Variants in ANO10 observed in about 807,000 individuals in gnomAD.
ANO10 encodes the protein anoctamin 10.
Under a neutral mutation model 74.7 loss-of-function variants are expected in ANO10, and 77 were observed. The observed-to-expected ratio is 1.03, with a 90% CI of 0.86 to 1.25. The LOEUF (loss-of-function observed/expected upper bound fraction) is 1.25, where lower values mean the gene tolerates loss of function less well. ANO10 is among the 50% of genes most tolerant of loss of function. ANO10 has a pLI of 0.00. For synonymous variants in ANO10, 279 were observed against 284.9 expected, an observed-to-expected ratio of 0.98 and a Z score of 0.21; for missense variants, 721 against 778.1, an observed-to-expected ratio of 0.93 and a Z score of 0.87.
At position 43,565,673 on chromosome 3, in the gene ANO10, C is replaced by A. The variant is rs1194958923; in HGVS notation, c.1273G>T (p.Asp425Tyr). 8.9e-6 allele frequency: 14 copies of A among 1,576,908 alleles called. No homozygotes were observed. The highest frequency in any genetic ancestry group is 1.1e-5 in the Non-Finnish European group (13 of 1,162,482). ...CTTACCTGGCGCAAAAGCTTCATAT[C>A]TTTCAAGACAAAGGCAATATAGAAG... ...SLFYIAFVLKDMKLLRQSLAT... is the reference protein window; with the variant it reads ...SLFYIAFVLKYMKLLRQSLAT... The change falls in exon 8 of 13, where the codon GAT becomes TAT. Residue 425 changes from aspartate (D) to tyrosine (Y), a missense_variant. By Grantham distance (160) the Asp-to-Tyr change is radical. Coordinates refer to ENST00000292246, the MANE Select transcript of ANO10 (RefSeq NM_018075.5).
At chr3:43,490,225 C>T (rs1348450332) in intron 11 of ANO10, among the ~76,000 whole-genome samples, 2 of 152,264 alleles carry the variant, frequency 1.3e-5, no homozygotes, top group Admixed American at 1.3e-4. Flanking sequence ...AGTTTCCTTC[C>T]CCTTCTCAGA....
At chr3:43,619,374 T>C (rs2083274175) in intron 1 of ANO10, among the ~76,000 whole-genome samples, 1 of 152,152 alleles carries the variant, frequency 6.6e-6, no homozygotes, top group African/African-American at 2.4e-5. Context: ...TTGAATAAGG[T>C]CTGTAGATTA....
At chr3:43,479,520 T>C (rs2076190363) in intron 11 of ANO10, among the ~76,000 whole-genome samples, 1 of 152,184 alleles carries the variant, frequency 6.6e-6, no homozygotes, top group Admixed American at 6.5e-5. Context: ...TTGGTACATC[T>C]GCCCTGAAGA....
chr3:43,504,327 GATAGATA>G (rs2077213302), intron 11 of ANO10, among the ~76,000 whole-genome samples: 1 of 151,998 alleles, frequency 6.6e-6, no homozygotes, highest in East Asian at 1.9e-4. Flanking sequence ...TAGATAGATA[GATAGATA>G]GATAGATAGA....
At chr3:43,384,790 A>G (rs1302593071) in intron 12 of ANO10, among the ~76,000 whole-genome samples, 1 of 152,234 alleles carries the variant, frequency 6.6e-6, no homozygotes, top group Non-Finnish European at 1.5e-5. Context: ...CAAAGACTTA[A>G]ATCTAAGACC....
chr3:43,582,881 G>A (rs903118004), intron 4 of ANO10, among the ~76,000 whole-genome samples: 1 of 152,208 alleles, frequency 6.6e-6, no homozygotes, highest in Admixed American at 6.5e-5. Flanking sequence ...AGAAGAGTTA[G>A]AGTTGATCAC....
intron 7 of ANO10, among the ~76,000 whole-genome samples, chr3:43,570,526 G>A (rs1351252087): frequency 2.6e-5 from 4 of 152,072 alleles, no homozygotes; most frequent in South Asian, 2.1e-4. Flanking sequence ...CACAAATAAC[G>A]CCGCATATCT....
At position 43,390,336 on chromosome 3, in the gene ANO10, C is replaced by T. The variant is rs376614606; in HGVS notation, c.1915-23362G>A. The stretch of plus-strand genomic sequence containing the variant: ...CCTTAGTGCAGAGCCACTGCACAGG[C>T]TGTGCAGGCAGCTCTGGGAAAATCA... On this transcript the variant is annotated intron_variant, in intron 12 of 12. Coordinates refer to ENST00000292246, the MANE Select transcript of ANO10 (RefSeq NM_018075.5). Among the ~76,000 whole-genome samples, 184 of 152,362 alleles carry T rather than the reference C, an allele frequency of 1.2e-3. 1 individual carries two copies. The South Asian group carries it at 0.038, about 31-fold the overall frequency.
intron 11 of ANO10, among the ~76,000 whole-genome samples, chr3:43,491,868 A>G (rs529552156): frequency 6.6e-6 from 1 of 152,296 alleles, no homozygotes; most frequent in Admixed American, 6.5e-5. Flanking sequence ...CACTATCAAC[A>G]TAATTTATTA....
chr3:43,370,091 G>A (rs897903002), intron 12 of ANO10, among the ~76,000 whole-genome samples: 6 of 152,214 alleles, frequency 3.9e-5, no homozygotes, highest in Admixed American at 6.5e-5. Context: ...TTTTCCAGGA[G>A]GGCTGTCCTC....
chr3:43,504,563 TA>T (rs139835846), intron 11 of ANO10, among the ~76,000 whole-genome samples: 24 of 151,906 alleles, frequency 1.6e-4, no homozygotes, highest in Non-Finnish European at 2.9e-4. Flanking sequence ...TTACTGTTCA[TA>T]AAAAAAACAG....
chr3:43,566,940 A>G (rs992379900), intron 7 of ANO10, among the ~76,000 whole-genome samples: 3 of 152,198 alleles, frequency 2.0e-5, no homozygotes, highest in African/African-American at 7.2e-5. Context: ...TTTGAAAAAA[A>G]TTCAGAAGAA....
chr3:43,683,035 G>C (rs138474621), intron 1 of ANO10, among the ~76,000 whole-genome samples: 12,712 of 152,050 alleles, frequency 0.084, 733 homozygotes, highest in South Asian at 0.21. Flanking sequence ...CAGGGATGCC[G>C]TCTCTCACCA....
intron 11 of ANO10, among the ~76,000 whole-genome samples, chr3:43,515,799 T>C (rs1440238708): frequency 2.6e-5 from 4 of 152,160 alleles, no homozygotes; most frequent in Admixed American, 2.0e-4. Flanking sequence ...TTGCCCCTTT[T>C]CTAAAACCAT....
chr3:43,629,137 C>A (rs910834871), intron 1 of ANO10, among the ~76,000 whole-genome samples: 2 of 152,294 alleles, frequency 1.3e-5, no homozygotes, highest in African/African-American at 4.8e-5. Context: ...TTTAAAATTT[C>A]TCTCTTTTGT....
At chr3:43,596,083 T>C (rs567479463) in intron 4 of ANO10, among the ~76,000 whole-genome samples, 40 of 152,060 alleles carry the variant, frequency 2.6e-4, no homozygotes, top group African/African-American at 8.9e-4. Flanking sequence ...TCAAGGAGAA[T>C]TACAAACCAC....
intron 6 of ANO10, among the ~76,000 whole-genome samples, chr3:43,575,162 T>C (rs2080936021): frequency 6.6e-6 from 1 of 152,030 alleles, no homozygotes; most frequent in Non-Finnish European, 1.5e-5. Flanking sequence ...AGACCCTGTA[T>C]AAGAAGTAAT....
In ANO10 at chr3:43,589,004, C is replaced by T. The variant is rs539863993; in HGVS notation, c.473-8532G>A. On this transcript the variant is annotated intron_variant, in intron 4 of 12. Transcript: ENST00000292246. ...TACATGACAAAATTAACAATGTATA[C>T]GTAATATAAATTAACTGTCAAATAC... 1.6e-4 allele frequency among the ~76,000 whole-genome samples: 25 copies of T among 152,030 alleles called. No individual in the cohort carries two copies. In the South Asian group the frequency reaches 3.9e-3, roughly 24 times the overall value.
rs180821435 is a variant in ANO10, at chr3:43,534,948, A to G, written c.1797+14772T>C. Among the ~76,000 whole-genome samples, 22 of 152,172 alleles carry G rather than the reference A, an allele frequency of 1.4e-4. No homozygotes were observed. In the East Asian group the frequency reaches 3.3e-3, roughly 23 times the overall value. On this transcript the variant is annotated intron_variant, in intron 11 of 12. Coordinates refer to ENST00000292246, the MANE Select transcript of ANO10 (RefSeq NM_018075.5). ...CACTAAGCACACTCAGAGCTCTGCT[A>G]ACTTTTTTTTCCTATATGTAGATTT...
Sources: allele counts gnomAD v4.1 joint callset (sites outside exome capture counted in the v4.1 genomes callset), GRCh38; gene constraint gnomAD v4.1.1; transcripts MANE v1.5; gene names NCBI Gene and HGNC (gene_info 2026-07-23, HGNC 2026-07-21).